The following SYMPK variants were observed in gnomAD, a reference collection of about 807,000 sequenced individuals.
The protein encoded by SYMPK is symplekin.
SYMPK carries 49 observed loss-of-function variants against 136.4 expected under a neutral mutation model. The observed-to-expected ratio is 0.36, with a 90% CI of 0.29 to 0.46. The LOEUF is 0.46. Among genes scored for constraint, SYMPK ranks in the 20% least tolerant of loss-of-function variants. The pLI is 1.00. For synonymous variants in SYMPK, 766 were observed against 713.0 expected (o/e 1.07, Z -1.19); for missense variants, 1,365 against 1,690.0 (o/e 0.81, Z 3.37).
chr19:45,819,268 G>A (rs530721845), intron 22 of SYMPK: 1 of 152,388 alleles, frequency 6.6e-6, no homozygotes, highest in African/African-American at 2.4e-5. Flanking sequence ...GGAAAGCTCA[G>A]ACCTGACTTG....
At chr19:45,829,307 A>G in intron 13 of SYMPK, 102 bp from the exon 14 acceptor site, 1 of 1,052,402 alleles carries the variant, frequency 9.5e-7, no homozygotes, top group East Asian at 2.6e-5. Context: ...GAACTCTCAG[A>G]GCAGACAAGG....
chr19:45,824,160 C>T (rs1237404906), intron 18 of SYMPK: 1 of 370,626 alleles, frequency 2.7e-6, no homozygotes, highest in Non-Finnish European at 5.0e-6. Context: ...ACCTCGAATG[C>T]CCACCCTGTG....
chr19:45,825,136 G>C, intron 18 of SYMPK, 35 bp downstream of exon 18: 7 of 1,598,712 alleles, frequency 4.4e-6, no homozygotes, highest in Non-Finnish European at 6.0e-6. Context: ...CCTTGCCCGT[G>C]GGTGGGCAGG....
rs1971276196 is a variant in SYMPK, at chr19:45,835,263, T to G, written c.1243-35A>C. On this transcript the variant is annotated intron_variant, in intron 10 of 26. Coordinates refer to ENST00000245934, the MANE Select transcript of SYMPK (RefSeq NM_004819.3). ...GCCCAGGAAGAGAGCCTCTCCTTAA[T>G]CATTAACTCAAGAAGCATTCTTTCC... 2.6e-6 allele frequency: 4 copies of G among 1,534,920 alleles called. No homozygotes were observed. The East Asian group carries it at 9.1e-5, about 35-fold the overall frequency.
chr19:45,856,647 T>G (rs542779298), intron 1 of SYMPK, among the ~76,000 whole-genome samples: 17 of 152,210 alleles, frequency 1.1e-4, no homozygotes, highest in African/African-American at 4.1e-4. Flanking sequence ...GGCTACTGCA[T>G]AAACTGCTAA....
Position 45,844,087 on chromosome 19 carries a change from C to A in SYMPK, c.790G>T (p.Ala264Ser), listed in dbSNP as rs753085479. Residue 264 changes from alanine to serine, a missense_variant, in exon 8 of 27, where the codon GCC (alanine) becomes TCC (serine). This residue lies in a region of SYMPK where 237 missense variants were observed against 292.9 expected (regional missense o/e 0.81). Coordinates refer to ENST00000245934, the MANE Select transcript of SYMPK (RefSeq NM_004819.3). ...TTALGSLANIARQRPMFMSEV... is the reference protein window; with the variant it reads ...TTALGSLANISRQRPMFMSEV... ...GACATGAACATGGGTCTCTGGCGGG[C>A]GATATTGGCAAGGGAGCCCAGCGCT... is the stretch of plus-strand genomic sequence containing the variant. The A allele has an allele frequency of 1.9e-6, 3 of 1,610,398 alleles. No individual in the cohort carries two copies. The highest frequency in any genetic ancestry group is 1.7e-5 in the Admixed American group (1 of 59,642).
intron 1 of SYMPK, among the ~76,000 whole-genome samples, chr19:45,857,820 T>C (rs1971869861): frequency 7.4e-6 from 1 of 135,860 alleles, no homozygotes; most frequent in East Asian, 2.2e-4. Flanking sequence ...TTTTTTTAGA[T>C]GGAATTTCAC....
At chr19:45,826,087 A>G (rs995692047) in intron 17 of SYMPK, 139 bp downstream of exon 17, 55 of 1,323,402 alleles carry the variant, frequency 4.2e-5, no homozygotes, top group Non-Finnish European at 5.5e-5. Context: ...TGACTCCCAC[A>G]GCCCCCAGGT....
At chr19:45,816,231 A>AG in intron 25 of SYMPK, 48 bp from the exon 26 acceptor site, 1 of 1,355,418 alleles carries the variant, frequency 7.4e-7, no homozygotes, top group Non-Finnish European at 9.9e-7. Context: ...GGTGGCTCAG[A>AG]GGACGGCCGG....
intron 1 of SYMPK, among the ~76,000 whole-genome samples, chr19:45,860,168 G>T (rs1600539861): frequency 1.3e-5 from 2 of 151,270 alleles, no homozygotes; most frequent in Non-Finnish European, 2.9e-5. Context: ...AATATATATT[G>T]AACACGGCCG....
intron 17 of SYMPK, among the ~76,000 whole-genome samples, chr19:45,825,933 T>G (rs1971034053): frequency 6.6e-6 from 1 of 152,210 alleles, no homozygotes; most frequent in South Asian, 2.1e-4. Context: ...TGAGTCTACC[T>G]GTCTGTAATC....
intron 5 of SYMPK, among the ~76,000 whole-genome samples, chr19:45,849,277 A>C (rs1020388903): frequency 5.9e-5 from 9 of 152,196 alleles, no homozygotes; most frequent in Non-Finnish European, 8.8e-5. Flanking sequence ...TTCAGTAAAC[A>C]CCAAAAAGCA....
At chr19:45,823,970 C>A (rs1970973935) in intron 18 of SYMPK, 95 bp from the exon 19 acceptor site, 6 of 886,338 alleles carry the variant, frequency 6.8e-6, no homozygotes, top group Non-Finnish European at 8.9e-6. Context: ...CATGCTGGCG[C>A]CCAGGGTGAG....
In SYMPK at chr19:45,857,262, A is replaced by G. The variant is rs12983756; in HGVS notation, c.-12-2755T>C. Among the ~76,000 whole-genome samples the G allele has an allele frequency of 5.8e-4, 87 of 148,838 alleles. 3 individuals are homozygous for G. The East Asian group carries it at 0.018, about 31-fold the overall frequency. On this transcript the variant is annotated intron_variant, in intron 1 of 26. Transcript: ENST00000245934. The stretch of plus-strand genomic sequence containing the variant: ...GTCTCTTCTAAAAATACAAAAAAAT[A>G]TGCCGGGCATGGTGGCGGGCGCCTG...
chr19:45,817,331 C>T (rs1263288576), intron 23 of SYMPK, among the ~76,000 whole-genome samples: 1 of 151,260 alleles, frequency 6.6e-6, no homozygotes, highest in Admixed American at 6.6e-5. Flanking sequence ...GTGCCGGTGC[C>T]GGGACCTGTC....
At position 45,852,542 on chromosome 19, in the gene SYMPK, G is replaced by C; in HGVS notation, c.172-7C>G. 6.2e-7 allele frequency: 1 copy of C among 1,614,160 alleles called. No individual in the cohort carries two copies. Among genetic ancestry groups the C allele is most frequent in the South Asian group, 1.1e-5 (1 of 91,076 alleles). ...TGATGATCAGCTCCTGGACCTGGAAGGAGATTGGGGGTGGGGAGGAGGAAT... is the reference window on the plus strand; with the variant it reads ...TGATGATCAGCTCCTGGACCTGGAACGAGATTGGGGGTGGGGAGGAGGAAT... On this transcript the variant is annotated splice_region_variant and splice_polypyrimidine_tract_variant and intron_variant, in intron 3 of 26. Transcript: ENST00000245934.
At chr19:45,841,877 A>G (rs1971447390) in intron 9 of SYMPK, among the ~76,000 whole-genome samples, 1 of 152,288 alleles carries the variant, frequency 6.6e-6, no homozygotes, top group Middle Eastern at 3.4e-3. Flanking sequence ...TAAGAGGGAT[A>G]CTATTTTCAT....
chr19:45,829,878 GCTACTGT>G (rs1478647773), intron 13 of SYMPK, among the ~76,000 whole-genome samples, 169 bp downstream of exon 13: 2 of 152,240 alleles, frequency 1.3e-5, no homozygotes, highest in Admixed American at 6.5e-5. Context: ...AGGAGCTGCT[GCTACTGT>G]CTCTGTTTTA....
chr19:45,852,127 G>C (rs1213189029), intron 5 of SYMPK, among the ~76,000 whole-genome samples, 185 bp downstream of exon 5: 2 of 152,186 alleles, frequency 1.3e-5, no homozygotes, highest in Admixed American at 1.3e-4. Flanking sequence ...AGAAGCAGAG[G>C]AATCACAGAT....
Sources: allele counts gnomAD v4.1 joint callset (sites outside exome capture counted in the v4.1 genomes callset), GRCh38; gene constraint gnomAD v4.1.1; regional missense constraint gnomAD v4.1.1; transcripts MANE v1.5; gene names NCBI Gene and HGNC (gene_info 2026-07-23, HGNC 2026-07-21).